Variants in GPR158 observed in about 807,000 individuals in gnomAD.
GPR158 encodes metabotropic glycine receptor.
GPR158 carries 30 observed loss-of-function variants against 78.2 expected under a neutral mutation model. The ratio of observed to expected loss-of-function variants is 0.38; its 90% CI spans 0.29 to 0.52. The LOEUF (loss-of-function observed/expected upper bound fraction) is 0.52, where lower values mean the gene tolerates loss of function less well. Among genes scored for constraint, GPR158 ranks in the 20% least tolerant of loss-of-function variants. GPR158 has a pLI of 0.83. For synonymous variants in GPR158, 581 were observed against 591.1 expected, an observed-to-expected ratio of 0.98 and a Z score of 0.25; for missense variants, 1,463 against 1,523.5, an observed-to-expected ratio of 0.96 and a Z score of 0.66.
chr10:25,565,797 G>A (rs929936898), intron 6 of GPR158, among the ~76,000 whole-genome samples: 54 of 152,226 alleles, frequency 3.5e-4, no homozygotes, highest in African/African-American at 1.3e-3. Context: ...CTGGTGTGGC[G>A]GCTGACCGTG....
chr10:25,594,203 C>T, intron 8 of GPR158, 89 bp from the exon 9 acceptor site: 3 of 733,512 alleles, frequency 4.1e-6, no homozygotes, highest in Non-Finnish European at 4.9e-6. Context: ...TATTTTAATA[C>T]AATGAGGAAA....
intron 5 of GPR158, among the ~76,000 whole-genome samples, chr10:25,502,418 G>A (rs1047050514): frequency 3.3e-5 from 5 of 152,230 alleles, no homozygotes; most frequent in South Asian, 2.1e-4. Context: ...AAAACCCTGC[G>A]TGAGGCTGTC....
intron 5 of GPR158, among the ~76,000 whole-genome samples, chr10:25,521,220 G>A (rs1448784556): frequency 1.3e-5 from 2 of 152,170 alleles, no homozygotes; most frequent in East Asian, 1.9e-4. Flanking sequence ...GCCCTGCTTC[G>A]GCTCGCGCAC....
chr10:25,388,784 T>C (rs1834254637), intron 2 of GPR158, among the ~76,000 whole-genome samples: 1 of 152,212 alleles, frequency 6.6e-6, no homozygotes, highest in Admixed American at 6.5e-5. Context: ...TTTTGCACTC[T>C]TGGGGGGCCT....
At chr10:25,340,965 T>A (rs574656977) in intron 2 of GPR158, among the ~76,000 whole-genome samples, 2 of 152,070 alleles carry the variant, frequency 1.3e-5, no homozygotes, top group East Asian at 1.9e-4. Context: ...AATTTTTTTT[T>A]AAATAGACAA....
chr10:25,202,926 G>C (rs1413322069), intron 1 of GPR158, among the ~76,000 whole-genome samples: 1 of 152,154 alleles, frequency 6.6e-6, no homozygotes, highest in East Asian at 1.9e-4. Context: ...GTTGTTTCCT[G>C]ACTTTTTAAT....
At chr10:25,204,818 G>GGTTTTTT (rs1483084808) in intron 1 of GPR158, among the ~76,000 whole-genome samples, 2 of 118,966 alleles carry the variant, frequency 1.7e-5, no homozygotes, top group African/African-American at 6.8e-5. Flanking sequence ...GTCTCTGAGG[G>GGTTTTTT]TTTTTTTTTT....
intron 2 of GPR158, among the ~76,000 whole-genome samples, chr10:25,277,404 A>C (rs1854199817): frequency 6.6e-6 from 1 of 152,158 alleles, no homozygotes; most frequent in Non-Finnish European, 1.5e-5. Context: ...CGATATTCTG[A>C]AAAGCTGAAT....
intron 2 of GPR158, among the ~76,000 whole-genome samples, chr10:25,344,256 T>C (rs1855341560): frequency 6.6e-6 from 1 of 152,004 alleles, no homozygotes. Context: ...ACAAATTATC[T>C]TGATTTTAAA....
intron 3 of GPR158, among the ~76,000 whole-genome samples, chr10:25,404,817 G>C (rs986514185): frequency 3.3e-5 from 5 of 152,078 alleles, no homozygotes; most frequent in Admixed American, 1.3e-4. Flanking sequence ...AATCACAATG[G>C]CATGTGGCTT....
intron 2 of GPR158, among the ~76,000 whole-genome samples, chr10:25,348,212 T>G (rs1370654323): frequency 6.6e-6 from 1 of 151,940 alleles, no homozygotes; most frequent in Non-Finnish European, 1.5e-5. Context: ...TCAGTGATTT[T>G]AGACAGGGAT....
intron 7 of GPR158, among the ~76,000 whole-genome samples, chr10:25,583,657 AT>A (rs10700827): frequency 9.3e-5 from 14 of 150,692 alleles, no homozygotes; most frequent in Admixed American, 4.0e-4. Flanking sequence ...AATTGTAAAT[AT>A]TTTTTTTTTA....
Position 25,410,441 on chromosome 10 carries a change from C to A in GPR158, c.1112-1809C>A, listed in dbSNP as rs946371337. Among the ~76,000 whole-genome samples, 4 of 152,072 alleles carry A rather than the reference C, an allele frequency of 2.6e-5. No individual in the cohort carries two copies. The East Asian group carries it at 7.7e-4, about 29-fold the overall frequency. ...GACCAGCCTGACCAACATGGTGAAA[C>A]CCTGTCTCTACTAAAAACACAAAAA... is the stretch of plus-strand genomic sequence containing the variant. On this transcript the variant is annotated intron_variant, in intron 3 of 10. Transcript: ENST00000376351.
At chr10:25,257,324 T>C (rs1208029407) in intron 2 of GPR158, among the ~76,000 whole-genome samples, 3 of 152,202 alleles carry the variant, frequency 2.0e-5, no homozygotes, top group Non-Finnish European at 4.4e-5. Flanking sequence ...ACTATTACAA[T>C]AGCAGTTACA....
At chr10:25,440,846 C>G (rs1430140077) in intron 4 of GPR158, among the ~76,000 whole-genome samples, 1 of 152,062 alleles carries the variant, frequency 6.6e-6, no homozygotes, top group African/African-American at 2.4e-5. Context: ...GTTATTTTCT[C>G]TTTCAGAATA....
chr10:25,363,525 T>C (rs1258051538), intron 2 of GPR158, among the ~76,000 whole-genome samples: 8 of 151,836 alleles, frequency 5.3e-5, no homozygotes, highest in African/African-American at 1.9e-4. Flanking sequence ...TGCAAGTCAT[T>C]TGGCAAGGAG....
intron 5 of GPR158, among the ~76,000 whole-genome samples, chr10:25,522,076 C>T (rs978600008): frequency 5.3e-5 from 8 of 152,164 alleles, no homozygotes; most frequent in African/African-American, 1.9e-4. Flanking sequence ...AACAAGGGAT[C>T]AGAACTGAGT....
chr10:25,203,988 G>T lies in GPR158; in HGVS notation c.903-17064G>T, dbSNP rs905513697. Among the ~76,000 whole-genome samples the T allele has an allele frequency of 2.6e-5, 3 of 115,132 alleles. 1 individual carries two copies. The highest frequency in any genetic ancestry group is 5.3e-5 in the Non-Finnish European group (3 of 56,170). 75.5% of individuals were successfully genotyped at this position (115,132 alleles called of 152,430 possible). A position where few individuals can be genotyped will look rare whatever the true frequency, so the allele number is the denominator to read the frequency against. Reference sequence around the variant, plus strand: ...GAGGGCCTTCACGTCCCTTGTAAGTGGGATTCCTAGGTATTTTATTCTTTT... The same window carrying T: ...GAGGGCCTTCACGTCCCTTGTAAGTTGGATTCCTAGGTATTTTATTCTTTT... On this transcript the variant is annotated intron_variant, in intron 1 of 10. Transcript: ENST00000376351.
chr10:25,431,911 G>T, intron 4 of GPR158, among the ~76,000 whole-genome samples: 1 of 152,030 alleles, frequency 6.6e-6, no homozygotes, highest in Admixed American at 6.6e-5. Context: ...TAAATGACGA[G>T]TTAATGGGTG....
Sources: allele counts gnomAD v4.1 joint callset (sites outside exome capture counted in the v4.1 genomes callset), GRCh38; gene constraint gnomAD v4.1.1; transcripts MANE v1.5; gene names NCBI Gene and HGNC (gene_info 2026-07-23, HGNC 2026-07-21).